Variants in CDH6 observed in about 807,000 individuals in gnomAD.
CDH6 encodes cadherin-6.
In CDH6, 31 loss-of-function variants were observed where a neutral mutation model predicts 78.0. The observed-to-expected ratio is 0.40, with a 90% CI of 0.30 to 0.54. CDH6 has a LOEUF of 0.54. CDH6 is among the 20% of genes least tolerant of loss of function. The pLI is 0.56. For synonymous variants in CDH6, 376 were observed against 368.8 expected, an observed-to-expected ratio of 1.02 and a Z score of -0.23; for missense variants, 724 against 975.9, an observed-to-expected ratio of 0.74 and a Z score of 3.44.
intron 2 of CDH6, among the ~76,000 whole-genome samples, chr5:31,274,726 G>A (rs761416310): frequency 8.5e-5 from 13 of 152,200 alleles, no homozygotes; most frequent in African/African-American, 1.2e-4. Context: ...AGACTGAGGC[G>A]TGAGAATCAC....
chr5:31,323,660 G>A lies in CDH6; in HGVS notation c.*352G>A. On this transcript the variant is annotated 3_prime_UTR_variant, in exon 12 of 12. Coordinates refer to ENST00000265071, the MANE Select transcript of CDH6 (RefSeq NM_004932.4). ...GTCAGGTCAGCCAACTGCCCTAACT[G>A]TACATTTCACAGGCTAATGGGATAA... 6.7e-6 allele frequency: 2 copies of A among 296,718 alleles called. No individual in the cohort carries two copies. Among genetic ancestry groups the A allele is most frequent in the Non-Finnish European group, 1.3e-5 (2 of 156,104 alleles). The allele number at this position is 296,718 out of a possible 1,614,324, so 18.4% of individuals were successfully genotyped here.
intron 4 of CDH6, among the ~76,000 whole-genome samples, 165 bp downstream of exon 4, chr5:31,297,573 T>C (rs563708858): frequency 1.3e-5 from 2 of 152,302 alleles, no homozygotes; most frequent in East Asian, 3.9e-4. Context: ...ATAATTTTAA[T>C]CAAAAAATCT....
chr5:31,264,025 A>ATTC (rs1471239168), intron 1 of CDH6, among the ~76,000 whole-genome samples: 1 of 152,176 alleles, frequency 6.6e-6, no homozygotes, highest in East Asian at 1.9e-4. Flanking sequence ...TTTGGCCCAT[A>ATTC]TTCTTCTTCT....
At chr5:31,210,076 TTG>T (rs60543109) in intron 1 of CDH6, among the ~76,000 whole-genome samples, 10,783 of 146,492 alleles carry the variant, frequency 0.074, 439 homozygotes, top group African/African-American at 0.11. Context: ...TTTTCTTAAA[TTG>T]TGTGTGTGTG....
In CDH6 at chr5:31,325,064, G is replaced by C. The variant is rs1189461220; in HGVS notation, c.*1756G>C. ...CATATCAGCACATATTTTCTGTTTG[G>C]AAACACACTGTTGTTTAGTTAAGTT... On this transcript the variant is annotated 3_prime_UTR_variant, in exon 12 of 12. Coordinates refer to ENST00000265071, the MANE Select transcript of CDH6 (RefSeq NM_004932.4). 4.6e-6 allele frequency: 1 copy of C among 218,352 alleles called. No individual in the cohort carries two copies. The highest frequency in any genetic ancestry group is 9.2e-6 in the Non-Finnish European group (1 of 108,902). 13.5% of individuals were successfully genotyped at this position (218,352 alleles called of 1,614,324 possible).
At position 31,284,228 on chromosome 5, in the gene CDH6, C is replaced by T. The variant is rs540589443; in HGVS notation, c.229-9734C>T. Among the ~76,000 whole-genome samples the T allele has an allele frequency of 3.3e-5, 5 of 152,316 alleles. No homozygotes were observed. The South Asian group carries it at 1.0e-3, about 32-fold the overall frequency. ...TGTAGTCACCAAGCATTACTTGCAGCATGCTCTGGCATGTAGGTCATTTTT... is the reference window on the plus strand; with the variant it reads ...TGTAGTCACCAAGCATTACTTGCAGTATGCTCTGGCATGTAGGTCATTTTT... On this transcript the variant is annotated intron_variant, in intron 2 of 11. Coordinates refer to ENST00000265071, the MANE Select transcript of CDH6 (RefSeq NM_004932.4).
intron 1 of CDH6, among the ~76,000 whole-genome samples, chr5:31,194,516 G>T (rs1230705499): frequency 6.6e-6 from 1 of 152,208 alleles, no homozygotes; most frequent in Non-Finnish European, 1.5e-5. Flanking sequence ...TAGCTTGCAC[G>T]TTCCGGGCAA....
intron 1 of CDH6, among the ~76,000 whole-genome samples, chr5:31,221,388 A>T (rs1741000323): frequency 6.6e-6 from 1 of 152,206 alleles, no homozygotes; most frequent in Non-Finnish European, 1.5e-5. Flanking sequence ...AGTCAACTTT[A>T]ATTCTATTCA....
chr5:31,255,271 G>T (rs371572986), intron 1 of CDH6, among the ~76,000 whole-genome samples: 1 of 152,208 alleles, frequency 6.6e-6, no homozygotes, highest in African/African-American at 2.4e-5. Flanking sequence ...TTACACAAGC[G>T]CACTGTGACG....
chr5:31,276,237 C>G (rs1742690367), intron 2 of CDH6, among the ~76,000 whole-genome samples: 1 of 151,904 alleles, frequency 6.6e-6, no homozygotes, highest in African/African-American at 2.4e-5. Flanking sequence ...GCTTTTTTAT[C>G]ACAATTATCA....
At chr5:31,234,224 G>A (rs1741392982) in intron 1 of CDH6, among the ~76,000 whole-genome samples, 2 of 152,116 alleles carry the variant, frequency 1.3e-5, no homozygotes, top group African/African-American at 2.4e-5. Flanking sequence ...AAGAACTGAT[G>A]ATAAACTAGA....
chr5:31,304,853 C>G (rs1232680020), intron 6 of CDH6, among the ~76,000 whole-genome samples: 2 of 152,102 alleles, frequency 1.3e-5, no homozygotes, highest in African/African-American at 4.8e-5. Flanking sequence ...CCCTTCCTGC[C>G]TGGTATGATG....
intron 1 of CDH6, among the ~76,000 whole-genome samples, chr5:31,242,495 G>T (rs1334719682): frequency 6.6e-6 from 1 of 152,036 alleles, no homozygotes; most frequent in African/African-American, 2.4e-5. Context: ...TGCTTTTTTT[G>T]TTGTTGTTGT....
intron 1 of CDH6, among the ~76,000 whole-genome samples, chr5:31,230,008 G>A (rs1159454879): frequency 2.0e-5 from 3 of 152,086 alleles, no homozygotes; most frequent in Non-Finnish European, 4.4e-5. Context: ...GCGTTTAATT[G>A]GCGGATGCTA....
At position 31,302,130 on chromosome 5, in the gene CDH6, T is replaced by C. The variant is rs753092570; in HGVS notation, c.831T>C (p.Thr277=). ...RFPQSTYQFK[T]PESSPPGTPI... ...TAATAGGTACATACCAGTTTAAAAC[T>C]CCTGAATCTTCTCCACCGGGGACAC... Residue 277 remains threonine, a synonymous_variant, in exon 6 of 12, where the codon ACT becomes ACC. Coordinates refer to ENST00000265071, the MANE Select transcript of CDH6 (RefSeq NM_004932.4). 1.2e-6 allele frequency: 2 copies of C among 1,613,368 alleles called. No individual in the cohort carries two copies. Among genetic ancestry groups the C allele is most frequent in the Admixed American group, 1.7e-5 (1 of 59,986 alleles).
In CDH6 at chr5:31,317,369, T is replaced by A; in HGVS notation, c.1513-6T>A. On this transcript the variant is annotated splice_polypyrimidine_tract_variant and splice_region_variant and intron_variant, in intron 9 of 11. Coordinates refer to ENST00000265071, the MANE Select transcript of CDH6 (RefSeq NM_004932.4). ...TTTTATGGCAGCGTTTTGGTTTTTC[T>A]CTTAGTTGATTCAGACCCTGCATGC... is the stretch of plus-strand genomic sequence containing the variant. 6.9e-7 allele frequency: 1 copy of A among 1,444,528 alleles called. No homozygotes were observed. The highest frequency in any genetic ancestry group is 9.6e-7 in the Non-Finnish European group (1 of 1,044,390). The allele number at this position is 1,444,528 out of a possible 1,614,324, so 89.5% of individuals were successfully genotyped here. A position where few individuals can be genotyped will look rare whatever the true frequency, so the allele number is the denominator to read the frequency against.
In CDH6 at chr5:31,326,681, ATTTTTTTTTTTTT is replaced by A. The variant is rs202082546; in HGVS notation, c.*3389_*3401del. The stretch of plus-strand genomic sequence containing the variant: ...AAAGAGTTGTGCAGAAAATCTTAAA[ATTTTTTTTTTTTT>A]TTTTTTTTTTTTTTTGAGACAGAAT... On this transcript the variant is annotated 3_prime_UTR_variant, in exon 12 of 12. Transcript: ENST00000265071. The A allele has an allele frequency of 3.2e-5, 4 of 123,722 alleles. No homozygotes were observed. Among genetic ancestry groups the A allele is most frequent in the South Asian group, 5.2e-4 (2 of 3,846 alleles). 7.7% of individuals were successfully genotyped at this position (123,722 alleles called of 1,614,324 possible).
chr5:31,210,818 T>A (rs917058940), intron 1 of CDH6, among the ~76,000 whole-genome samples: 9 of 152,198 alleles, frequency 5.9e-5, no homozygotes, highest in Non-Finnish European at 1.3e-4. Context: ...TTTTTTGGGT[T>A]TTTTTTCCTG....
At position 31,323,855 on chromosome 5, in the gene CDH6, T is replaced by TG; in HGVS notation, c.*547_*548insG. ...GAACTTTCTCTGCCATCAACTACTATTCAAAACCTCAAATCCACCCATATG... is the reference window on the plus strand; with the variant it reads ...GAACTTTCTCTGCCATCAACTACTATGTCAAAACCTCAAATCCACCCATATG... On this transcript the variant is annotated 3_prime_UTR_variant, in exon 12 of 12. Coordinates refer to ENST00000265071, the MANE Select transcript of CDH6 (RefSeq NM_004932.4). 1 of 230,366 alleles carries TG rather than the reference T, an allele frequency of 4.3e-6. No homozygotes were observed. Among genetic ancestry groups the TG allele is most frequent in the Admixed American group, 5.6e-5 (1 of 17,742 alleles). The allele number at this position is 230,366 out of a possible 1,614,324, so 14.3% of individuals were successfully genotyped here.
Sources: gnomAD v4.1 joint callset for allele counts (sites outside exome capture counted in the v4.1 genomes callset) on GRCh38, gnomAD v4.1.1 for gene constraint, MANE v1.5 for transcripts, NCBI Gene and HGNC (gene_info 2026-07-23, HGNC 2026-07-21) for gene names.